Variants in BRIP1 observed in about 807,000 individuals in gnomAD.
The protein encoded by BRIP1 is Fanconi anemia group J protein.
Under a neutral mutation model 119.7 loss-of-function variants are expected in BRIP1, and 88 were observed. The ratio of observed to expected loss-of-function variants is 0.74; its 90% CI spans 0.62 to 0.88. BRIP1 has a LOEUF of 0.88. BRIP1 is among the 40% of genes least tolerant of loss of function. The probability of loss-of-function intolerance (pLI) is 0.00; values close to 1 mark genes in which losing one functional copy is unlikely to be tolerated. For synonymous variants in BRIP1, 443 were observed against 496.5 expected, an observed-to-expected ratio of 0.89 and a Z score of 1.43; for missense variants, 1,259 against 1,455.4, an observed-to-expected ratio of 0.87 and a Z score of 2.20.
Position 61,861,819 on chromosome 17 carries a change from T to C in BRIP1, c.-30-250A>G. ...GTTGTGTGACTTCGGGAAAGTTAGT[T>C]ACCTTCTCTAAGCCACAGTGACTGC... On this transcript the variant is annotated intron_variant, in intron 1 of 19. Transcript: ENST00000259008. This position sits in a 1 kb window ranked among gnomAD's most constrained non-coding sequence, Gnocchi z 4.5. 1 of 502,840 alleles carries C rather than the reference T, an allele frequency of 2.0e-6. No individual in the cohort carries two copies. Among genetic ancestry groups the C allele is most frequent in the South Asian group, 2.1e-5 (1 of 48,060 alleles). The allele number at this position is 502,840 out of a possible 1,614,324, so 31.1% of individuals were successfully genotyped here.
chr17:61,857,270 T>C lies in BRIP1; in HGVS notation c.206-39A>G. On this transcript the variant is annotated intron_variant, in intron 3 of 19. Transcript: ENST00000259008. The surrounding 1 kb of genome is among the most constrained non-coding windows in gnomAD (Gnocchi z 5.1). ...AACATCTATTTATAATATATCTAAT[T>C]AAATAAACATCAATCATTCTCTACA... 1.3e-6 allele frequency: 2 copies of C among 1,520,402 alleles called. No homozygotes were observed. Among genetic ancestry groups the C allele is most frequent in the Non-Finnish European group, 1.8e-6 (2 of 1,112,764 alleles). The allele number at this position is 1,520,402 out of a possible 1,614,324, so 94.2% of individuals were successfully genotyped here.
chr17:61,774,282 G>C lies in BRIP1; in HGVS notation c.2097+2119C>G, dbSNP rs2077501366. Among the ~76,000 whole-genome samples the C allele has an allele frequency of 6.6e-6, 1 of 152,070 alleles. No homozygotes were observed. Among genetic ancestry groups the C allele is most frequent in the South Asian group, 2.1e-4 (1 of 4,816 alleles). On this transcript the variant is annotated intron_variant, in intron 14 of 19. Coordinates refer to ENST00000259008, the MANE Select transcript of BRIP1 (RefSeq NM_032043.3). The surrounding 1 kb of genome is among the most constrained non-coding windows in gnomAD (Gnocchi z 5.8). ...AAAAAAGGATGAGTTCATGTCCTTTGCAGGGACATGGATGAAGCTGGAAAC... is the reference window on the plus strand; with the variant it reads ...AAAAAAGGATGAGTTCATGTCCTTTCCAGGGACATGGATGAAGCTGGAAAC...
Position 61,683,338 on chromosome 17 carries a change from T to C in BRIP1, c.3708A>G (p.Pro1236=), listed in dbSNP as rs1603274677. Reference sequence around the variant, plus strand: ...ACATGCCTTTATTTTTGGAAGGAGATGGTTTAAAGTTCTTTATTTCTATTT... The same window carrying C: ...ACATGCCTTTATTTTTGGAAGGAGACGGTTTAAAGTTCTTTATTTCTATTT... The part of the protein sequence containing the change: ...THEIEIKNFK[P]SPSKNKGMFP... Residue 1236 remains proline, a synonymous_variant, in exon 20 of 20, where the codon CCA becomes CCG. Coordinates refer to ENST00000259008, the MANE Select transcript of BRIP1 (RefSeq NM_032043.3). This position sits in a 1 kb window ranked among gnomAD's most constrained non-coding sequence, Gnocchi z 4.7. The C allele has an allele frequency of 6.2e-7, 1 of 1,611,036 alleles. No individual in the cohort carries two copies. The highest frequency in any genetic ancestry group is 1.3e-5 in the African/African-American group (1 of 74,930).
chr17:61,743,107 C>T lies in BRIP1; in HGVS notation c.2285G>A (p.Arg762His), dbSNP rs200960251. The stretch of plus-strand genomic sequence containing the variant: ...ATCCAGACCCTCACTCACTTTACCA[C>T]GACAAACTGCTACCAGGAGAGCTCC... The part of the protein sequence containing the change: ...KDGALLVAVC[R>H]GKVSEGLDFS... The change falls in exon 16 of 20, where the codon CGT becomes CAT. Residue 762 changes from arginine to histidine, a missense_variant. Coordinates refer to ENST00000259008, the MANE Select transcript of BRIP1 (RefSeq NM_032043.3). This position sits in a 1 kb window ranked among gnomAD's most constrained non-coding sequence, Gnocchi z 4.3. 93 of 1,613,938 alleles carry T rather than the reference C, an allele frequency of 5.8e-5. 1 individual carries two copies. The highest frequency in any genetic ancestry group is 1.8e-4 in the South Asian group (16 of 91,080).
At position 61,861,932 on chromosome 17, in the gene BRIP1, A is replaced by G. The variant is rs1339122574; in HGVS notation, c.-30-363T>C. On this transcript the variant is annotated intron_variant, in intron 1 of 19. Coordinates refer to ENST00000259008, the MANE Select transcript of BRIP1 (RefSeq NM_032043.3). This position sits in a 1 kb window ranked among gnomAD's most constrained non-coding sequence, Gnocchi z 4.5. ...TACCAGATTAAACATGAGCTCTTGT[A>G]ACAGTTAGATCAGATGTAATCAACC... The G allele has an allele frequency of 3.5e-6, 1 of 285,744 alleles. No homozygotes were observed. The highest frequency in any genetic ancestry group is 8.8e-5 in the East Asian group (1 of 11,320). The allele number at this position is 285,744 out of a possible 1,614,324, so 17.7% of individuals were successfully genotyped here.
In BRIP1 at chr17:61,787,138, A is replaced by G. The variant is rs111210731; in HGVS notation, c.1474-2714T>C. On this transcript the variant is annotated intron_variant, in intron 10 of 19. Transcript: ENST00000259008. ...ATATATAATATATTATATACTATAT[A>G]AAATATATAAAAATATATTATATAC... Among the ~76,000 whole-genome samples the G allele has an allele frequency of 4.5e-3, 486 of 107,318 alleles. 4 individuals are homozygous for G. Among genetic ancestry groups the G allele is most frequent in the African/African-American group, 0.018 (464 of 25,638 alleles). 70.4% of individuals were successfully genotyped at this position (107,318 alleles called of 152,430 possible). A position where few individuals can be genotyped will look rare whatever the true frequency, so the allele number is the denominator to read the frequency against.
intron 2 of BRIP1, 41 bp from the exon 3 acceptor site, chr17:61,859,948 C>A: frequency 7.3e-7 from 1 of 1,368,376 alleles, no homozygotes; most frequent in Non-Finnish European, 1.0e-6. Context: ...AACATATTAA[C>A]TTTATAAAGG....
At chr17:61,727,776 C>G (rs952517437) in intron 16 of BRIP1, among the ~76,000 whole-genome samples, 56 of 145,646 alleles carry the variant, frequency 3.8e-4, no homozygotes, top group East Asian at 1.8e-3. Context: ...GTCTGTCTCT[C>G]TCTCTCTCTC....
rs1010755014 is a variant in BRIP1, at chr17:61,704,263, A to G, written c.2493-10751T>C. Among the ~76,000 whole-genome samples the G allele has an allele frequency of 6.6e-6, 1 of 151,624 alleles. No individual in the cohort carries two copies. Among genetic ancestry groups the G allele is most frequent in the Non-Finnish European group, 1.5e-5 (1 of 67,898 alleles). ...TTTTCCTTTTGTTTTTGTAGTCTTC[A>G]TCTGGTTTGGTTGCTGGTTAATTCT... is the stretch of plus-strand genomic sequence containing the variant. On this transcript the variant is annotated intron_variant, in intron 17 of 19. Coordinates refer to ENST00000259008, the MANE Select transcript of BRIP1 (RefSeq NM_032043.3). This position sits in a 1 kb window ranked among gnomAD's most constrained non-coding sequence, Gnocchi z 5.7.
At chr17:61,801,161 C>CAA (rs11390869) in intron 8 of BRIP1, 92 bp downstream of exon 8, 386 of 1,130,174 alleles carry the variant, frequency 3.4e-4, no homozygotes, top group Admixed American at 8.1e-4. Context: ...TAAATTAAAG[C>CAA]AAAAAAAATT....
chr17:61,713,391 T>C lies in BRIP1; in HGVS notation c.2492+2560A>G, dbSNP rs1453275588. Among the ~76,000 whole-genome samples the C allele has an allele frequency of 1.3e-5, 2 of 152,170 alleles. No individual in the cohort carries two copies. Among genetic ancestry groups the C allele is most frequent in the East Asian group, 1.9e-4 (1 of 5,182 alleles). On this transcript the variant is annotated intron_variant, in intron 17 of 19. Transcript: ENST00000259008. This position sits in a 1 kb window ranked among gnomAD's most constrained non-coding sequence, Gnocchi z 4.9. ...AAGAAGGCATTGTTATCACAGGAGATGACAGCTCCATGCATGTTATTTATT... is the reference window on the plus strand; with the variant it reads ...AAGAAGGCATTGTTATCACAGGAGACGACAGCTCCATGCATGTTATTTATT...
At position 61,684,021 on chromosome 17, in the gene BRIP1, C is replaced by A. The variant is rs587781328; in HGVS notation, c.3025G>T (p.Gly1009Ter). 2 of 1,613,938 alleles carry A rather than the reference C, an allele frequency of 1.2e-6. No individual in the cohort carries two copies. The change falls in exon 20 of 20, where the codon GGA becomes TGA. Residue 1009 changes from glycine to a stop codon, truncating the protein, a stop_gained. Transcript: ENST00000259008. LOFTEE classifies it low-confidence loss of function (END_TRUNC). The surrounding 1 kb of genome is among the most constrained non-coding windows in gnomAD (Gnocchi z 4.5). ...GGTATTTTACCAGTAAAATACTGTCCCAAAGAATTAAAGCTTGACCAGCTA... is the reference window on the plus strand; with the variant it reads ...GGTATTTTACCAGTAAAATACTGTCACAAAGAATTAAAGCTTGACCAGCTA... ...RVSWSSFNSL[G>*]QYFTGKIPKA...
At chr17:61,837,018 G>C (rs1429842371) in intron 6 of BRIP1, among the ~76,000 whole-genome samples, 1 of 152,122 alleles carries the variant, frequency 6.6e-6, no homozygotes, top group East Asian at 1.9e-4. Flanking sequence ...AGTTTCCTCA[G>C]CTATAATTGC....
At position 61,775,199 on chromosome 17, in the gene BRIP1, G is replaced by A. The variant is rs2077514863; in HGVS notation, c.2097+1202C>T. ...CTAAATATAACTGTTTGGTGTAGAT[G>A]TTCACACTGGAATAAATCTTGTTTT... On this transcript the variant is annotated intron_variant, in intron 14 of 19. Transcript: ENST00000259008. This position sits in a 1 kb window ranked among gnomAD's most constrained non-coding sequence, Gnocchi z 4.4. Among the ~76,000 whole-genome samples the A allele has an allele frequency of 6.6e-6, 1 of 151,406 alleles. No individual in the cohort carries two copies. Among genetic ancestry groups the A allele is most frequent in the African/African-American group, 2.4e-5 (1 of 41,156 alleles).
In BRIP1 at chr17:61,857,170, T is replaced by A. The variant is rs764027029; in HGVS notation, c.267A>T (p.Ala89=). The A allele has an allele frequency of 1.9e-6, 3 of 1,613,984 alleles. No homozygotes were observed. In the South Asian group the frequency reaches 3.3e-5, roughly 18 times the overall value. The change falls in exon 4 of 20, where the codon GCA becomes GCT. Residue 89 remains alanine (A), a synonymous_variant. Transcript: ENST00000259008. The surrounding 1 kb of genome is among the most constrained non-coding windows in gnomAD (Gnocchi z 5.1). ...KAEVQLSCCC[A]CHSKDFTNND... ...TGTTTGTAAAATCCTTTGAATGGCA[T>A]GCACAACAACATGACAATTGTACTT... is the stretch of plus-strand genomic sequence containing the variant.
rs535257073 is a variant in BRIP1, at chr17:61,828,438, G to A, written c.627+18663C>T. Among the ~76,000 whole-genome samples, 5 of 152,096 alleles carry A rather than the reference G, an allele frequency of 3.3e-5. No individual in the cohort carries two copies. Among genetic ancestry groups the A allele is most frequent in the African/African-American group, 1.2e-4 (5 of 41,490 alleles). On this transcript the variant is annotated intron_variant, in intron 6 of 19. Transcript: ENST00000259008. This position sits in a 1 kb window ranked among gnomAD's most constrained non-coding sequence, Gnocchi z 4.1. ...TACAGAGATATTGTTTCATGGGTAT[G>A]GTGTTTCAGTTTGGAAAGATGAAAA...
At position 61,703,654 on chromosome 17, in the gene BRIP1, G is replaced by A. The variant is rs149391824; in HGVS notation, c.2493-10142C>T. ...TCTTAAGTTTAATTAAGTCCCATTCGTCGATTTTGTTTTTGTTGCAATTGC... is the reference window on the plus strand; with the variant it reads ...TCTTAAGTTTAATTAAGTCCCATTCATCGATTTTGTTTTTGTTGCAATTGC... On this transcript the variant is annotated intron_variant, in intron 17 of 19. Coordinates refer to ENST00000259008, the MANE Select transcript of BRIP1 (RefSeq NM_032043.3). This position sits in a 1 kb window ranked among gnomAD's most constrained non-coding sequence, Gnocchi z 5.0. Among the ~76,000 whole-genome samples, 305 of 152,208 alleles carry A rather than the reference G, an allele frequency of 2.0e-3. No homozygotes were observed. Among genetic ancestry groups the A allele is most frequent in the Non-Finnish European group, 3.7e-3 (251 of 68,012 alleles).
At position 61,768,727 on chromosome 17, in the gene BRIP1, C is replaced by T. The variant is rs115420366; in HGVS notation, c.2097+7674G>A. The stretch of plus-strand genomic sequence containing the variant: ...TATACAACCTGCATAAACTTCTCCC[C>T]GTTGTGAGATAAAAATAAGACTTTA... On this transcript the variant is annotated intron_variant, in intron 14 of 19. Coordinates refer to ENST00000259008, the MANE Select transcript of BRIP1 (RefSeq NM_032043.3). This position sits in a 1 kb window ranked among gnomAD's most constrained non-coding sequence, Gnocchi z 5.0. 4.9e-3 allele frequency among the ~76,000 whole-genome samples: 752 copies of T among 152,122 alleles called. 2 individuals carry two copies. The highest frequency in any genetic ancestry group is 0.017 in the African/African-American group (723 of 41,482).
intron 18 of BRIP1, among the ~76,000 whole-genome samples, chr17:61,688,997 A>AT (rs972718785): frequency 4.9e-5 from 4 of 82,076 alleles, no homozygotes; most frequent in African/African-American, 1.4e-4. Context: ...AATTTATTTT[A>AT]TTTTACTTTA....
Sources: gnomAD v4.1 joint callset for allele counts (sites outside exome capture counted in the v4.1 genomes callset) on GRCh38, gnomAD v4.1.1 for gene constraint, Gnocchi (gnomAD v3.1) non-coding constraint, MANE v1.5 for transcripts, NCBI Gene and HGNC (gene_info 2026-07-23, HGNC 2026-07-21) for gene names.